SORCS3: variants seen among roughly 807,000 people sequenced by gnomAD.
SORCS3 encodes the protein sortilin related VPS10 domain containing receptor 3.
SORCS3 carries 57 observed loss-of-function variants against 146.3 expected under a neutral mutation model. The observed-to-expected ratio is 0.39, with a 90% CI of 0.31 to 0.49. SORCS3 has a LOEUF of 0.49. Among genes scored for constraint, SORCS3 ranks in the 20% least tolerant of loss-of-function variants. SORCS3 has a pLI of 0.92. For synonymous variants in SORCS3, 653 were observed against 618.5 expected (o/e 1.06, Z -0.83); for missense variants, 1,341 against 1,575.5 (o/e 0.85, Z 2.52).
At chr10:105,081,084 C>G (rs1201967030) in intron 5 of SORCS3, among the ~76,000 whole-genome samples, 1 of 151,896 alleles carries the variant, frequency 6.6e-6, no homozygotes. Flanking sequence ...CATTGTACCC[C>G]GTAAATGTAT....
At chr10:104,809,429 A>C (rs540258446) in intron 1 of SORCS3, among the ~76,000 whole-genome samples, 7 of 152,196 alleles carry the variant, frequency 4.6e-5, no homozygotes, top group Admixed American at 2.0e-4. Flanking sequence ...TCTTGTGGCT[A>C]GGCATGGTTC....
chr10:104,964,410 CT>C (rs1438340768), intron 3 of SORCS3, among the ~76,000 whole-genome samples: 1 of 152,176 alleles, frequency 6.6e-6, no homozygotes, highest in Non-Finnish European at 1.5e-5. Flanking sequence ...ACCTTTTCTG[CT>C]TTCTTTCACT....
chr10:104,865,051 T>C (rs1437899082), intron 2 of SORCS3, among the ~76,000 whole-genome samples: 1 of 152,250 alleles, frequency 6.6e-6, no homozygotes, highest in African/African-American at 2.4e-5. Context: ...GCACTTGTTA[T>C]AATAGTACCA....
At chr10:105,164,282 A>G (rs1031080146) in intron 11 of SORCS3, 21 bp from the exon 12 acceptor site, 9 of 1,600,042 alleles carry the variant, frequency 5.6e-6, no homozygotes, top group Admixed American at 5.0e-5. Flanking sequence ...GACAATCTCA[A>G]ATGATCTGCT....
At chr10:104,755,196 A>T (rs1298509807) in intron 1 of SORCS3, among the ~76,000 whole-genome samples, 3 of 152,206 alleles carry the variant, frequency 2.0e-5, no homozygotes, top group Non-Finnish European at 4.4e-5. Flanking sequence ...AAACCTGACC[A>T]ATGATTTGGT....
chr10:104,767,808 C>G (rs925789795), intron 1 of SORCS3, among the ~76,000 whole-genome samples: 1 of 148,010 alleles, frequency 6.8e-6, no homozygotes, highest in Admixed American at 6.8e-5. Context: ...TCTCCCTTCC[C>G]CTCCCTCTTC....
intron 1 of SORCS3, among the ~76,000 whole-genome samples, chr10:104,749,050 G>T (rs566796323): frequency 1.9e-4 from 29 of 152,248 alleles, no homozygotes; most frequent in African/African-American, 7.0e-4. Flanking sequence ...ACCACTCCAT[G>T]GGGGGCAGGC....
intron 9 of SORCS3, among the ~76,000 whole-genome samples, chr10:105,151,091 AT>A: frequency 6.6e-6 from 1 of 152,230 alleles, no homozygotes. Flanking sequence ...TATTAGGGTA[AT>A]TATCACAGTC....
intron 3 of SORCS3, among the ~76,000 whole-genome samples, chr10:104,952,031 C>T (rs746485763): frequency 3.3e-5 from 5 of 151,276 alleles, no homozygotes; most frequent in South Asian, 2.1e-4. Context: ...AGCACCAGCA[C>T]GGCAATTTGA....
At chr10:105,044,565 C>T (rs1465648400) in intron 5 of SORCS3, among the ~76,000 whole-genome samples, 1 of 152,232 alleles carries the variant, frequency 6.6e-6, no homozygotes, top group Non-Finnish European at 1.5e-5. Context: ...ATACCTTGTA[C>T]ATACACACAT....
intron 4 of SORCS3, among the ~76,000 whole-genome samples, chr10:105,016,615 T>C (rs916599520): frequency 6.6e-6 from 1 of 152,308 alleles, no homozygotes; most frequent in Non-Finnish European, 1.5e-5. Context: ...TAACGGTATC[T>C]ATTTCTTTCA....
Position 105,213,665 on chromosome 10 carries a change from A to G in SORCS3, c.2376-777A>G, listed in dbSNP as rs543505376. 2.0e-5 allele frequency among the ~76,000 whole-genome samples: 3 copies of G among 152,318 alleles called. No individual in the cohort carries two copies. In the East Asian group the frequency reaches 5.8e-4, roughly 29 times the overall value. On this transcript the variant is annotated intron_variant, in intron 17 of 26. Coordinates refer to ENST00000369701, the MANE Select transcript of SORCS3 (RefSeq NM_014978.3). ...ACTTCATATGCTGGGGTTGGTGGGC[A>G]AGGAAGATGACATGGTGTCATTGTA...
At chr10:104,698,376 C>G (rs1232232963) in intron 1 of SORCS3, among the ~76,000 whole-genome samples, 1 of 152,104 alleles carries the variant, frequency 6.6e-6, no homozygotes, top group Non-Finnish European at 1.5e-5. Context: ...GTGGTGTACA[C>G]AAAGACTGAG....
At chr10:105,156,218 C>G (rs1589659950) in intron 9 of SORCS3, among the ~76,000 whole-genome samples, 1 of 152,178 alleles carries the variant, frequency 6.6e-6, no homozygotes, top group East Asian at 1.9e-4. Flanking sequence ...TGGCAATATG[C>G]TATTTGCTAT....
chr10:105,009,541 A>C lies in SORCS3; in HGVS notation c.954+32048A>C, dbSNP rs79237150. Among the ~76,000 whole-genome samples the C allele has an allele frequency of 1.8e-3, 208 of 116,508 alleles. 1 individual carries two copies. The highest frequency in any genetic ancestry group is 5.9e-3 in the African/African-American group (165 of 27,816). The allele number at this position is 116,508 out of a possible 152,430, so 76.4% of individuals were successfully genotyped here. A position where few individuals can be genotyped will look rare whatever the true frequency, so the allele number is the denominator to read the frequency against. Reference sequence around the variant, plus strand: ...AAACAAACAAACAAAAAAAAAAAAAAAAAAAAAAAACCCCAAAAACTGTAG... The same window carrying C: ...AAACAAACAAACAAAAAAAAAAAAACAAAAAAAAAACCCCAAAAACTGTAG... On this transcript the variant is annotated intron_variant, in intron 4 of 26. Coordinates refer to ENST00000369701, the MANE Select transcript of SORCS3 (RefSeq NM_014978.3).
intron 1 of SORCS3, among the ~76,000 whole-genome samples, chr10:104,695,366 T>C (rs2016162486): frequency 6.6e-6 from 1 of 151,410 alleles, no homozygotes; most frequent in Admixed American, 6.6e-5. Flanking sequence ...ACTTAGTCGA[T>C]GGTTACCAGT....
chr10:104,931,052 G>A (rs1242257154), intron 3 of SORCS3, among the ~76,000 whole-genome samples: 1 of 152,104 alleles, frequency 6.6e-6, no homozygotes, highest in Non-Finnish European at 1.5e-5. Flanking sequence ...ACTCAGCCTG[G>A]GCAATTATTG....
chr10:105,107,252 C>T (rs2133754590), intron 7 of SORCS3, among the ~76,000 whole-genome samples: 1 of 151,604 alleles, frequency 6.6e-6, no homozygotes, highest in South Asian at 2.1e-4. Flanking sequence ...TGTAGTGTTT[C>T]CTTTTATTCC....
chr10:104,681,182 T>C (rs182148822), intron 1 of SORCS3, among the ~76,000 whole-genome samples: 1 of 152,370 alleles, frequency 6.6e-6, no homozygotes, highest in African/African-American at 2.4e-5. Flanking sequence ...TGAATCAGCA[T>C]GGGGATTTTC....
Sources: allele counts gnomAD v4.1 joint callset (sites outside exome capture counted in the v4.1 genomes callset), GRCh38; gene constraint gnomAD v4.1.1; transcripts MANE v1.5; gene names NCBI Gene and HGNC (gene_info 2026-07-23, HGNC 2026-07-21).